RAB17: variants seen among roughly 807,000 people sequenced by gnomAD.
The protein encoded by RAB17 is RAB17, member RAS oncogene family, also known as ras-related protein Rab-17.
Under a neutral mutation model 19.3 loss-of-function variants are expected in RAB17, and 15 were observed. The observed-to-expected ratio is 0.78, with a 90% CI of 0.52 to 1.20. The LOEUF is 1.20. RAB17 is among the 50% of genes most tolerant of loss of function. The probability of loss-of-function intolerance (pLI) is 0.00; values close to 1 mark genes in which losing one functional copy is unlikely to be tolerated. For missense variants in RAB17, 262 were observed against 269.3 expected (o/e 0.97, Z 0.19); for synonymous variants, 110 against 112.8 (o/e 0.97, Z 0.16).
chr2:237,588,272 C>T (rs1276347262), intron 1 of RAB17, among the ~76,000 whole-genome samples: 1 of 152,178 alleles, frequency 6.6e-6, no homozygotes, highest in Non-Finnish European at 1.5e-5. Context: ...CTTGCCCTTT[C>T]ACCTTCCACT....
At chr2:237,590,281 G>A (rs1357067280) in intron 1 of RAB17, among the ~76,000 whole-genome samples, 186 bp downstream of exon 1, 2 of 151,860 alleles carry the variant, frequency 1.3e-5, no homozygotes, top group Admixed American at 6.6e-5. Flanking sequence ...GGAAGTCTCC[G>A]CCCCAGCTTT....
chr2:237,583,326 C>CA (rs201023884), intron 2 of RAB17, among the ~76,000 whole-genome samples: 3,360 of 152,042 alleles, frequency 0.022, 122 homozygotes, highest in African/African-American at 0.077. Flanking sequence ...GACTCTGTCT[C>CA]AAAAAAATTA....
chr2:237,589,518 TTTAC>T (rs1208865210), intron 1 of RAB17, among the ~76,000 whole-genome samples: 1 of 152,242 alleles, frequency 6.6e-6, no homozygotes. Flanking sequence ...ATACTGGATT[TTTAC>T]TTAGTTTTAA....
chr2:237,576,492 C>A, intron 4 of RAB17: 1 of 445,726 alleles, frequency 2.2e-6, no homozygotes, highest in Admixed American at 2.4e-5. Context: ...GCTCCCCTTG[C>A]TCTCCCCCGA....
At chr2:237,582,174 C>T (rs1210219479) in intron 2 of RAB17, among the ~76,000 whole-genome samples, 2 of 152,268 alleles carry the variant, frequency 1.3e-5, no homozygotes, top group African/African-American at 4.8e-5. Context: ...AGCTTCAGGG[C>T]TCGAGTCCAT....
intron 1 of RAB17, among the ~76,000 whole-genome samples, chr2:237,586,478 A>G (rs1211928483): frequency 6.6e-6 from 1 of 150,436 alleles, no homozygotes; most frequent in Non-Finnish European, 1.5e-5. Context: ...TCCTCCTTCC[A>G]TTACTTTCAG....
intron 4 of RAB17, chr2:237,576,581 C>G (rs1489801713): frequency 1.5e-5 from 7 of 471,118 alleles, no homozygotes; most frequent in African/African-American, 1.4e-4. Context: ...CTTTGGGAGG[C>G]GCGCCCGTCG....
chr2:237,574,651 G>A lies in RAB17; in HGVS notation c.*368C>T. 3 of 1,480,958 alleles carry A rather than the reference G, an allele frequency of 2.0e-6. No homozygotes were observed. In the East Asian group the frequency reaches 7.6e-5, roughly 38 times the overall value. The allele number at this position is 1,480,958 out of a possible 1,614,324, so 91.7% of individuals were successfully genotyped here. A position where few individuals can be genotyped will look rare whatever the true frequency, so the allele number is the denominator to read the frequency against. On this transcript the variant is annotated 3_prime_UTR_variant, in exon 6 of 6. Transcript: ENST00000264601. ...GGCTCCAGGCCAGTGCCCCCATCAA[G>A]ATCAGACGTAAGGCATCTTCCCACC...
intron 2 of RAB17, chr2:237,578,933 ACACAC>A (rs2081287828): frequency 6.7e-6 from 1 of 148,886 alleles, no homozygotes; most frequent in African/African-American, 2.5e-5. Context: ...ACACACACAC[ACACAC>A]ACAACTACTC....
chr2:237,577,660 G>A, intron 3 of RAB17: 1 of 478,712 alleles, frequency 2.1e-6, no homozygotes, highest in Non-Finnish European at 3.7e-6. Flanking sequence ...TTTCAGGTCA[G>A]GCCTCGAGCT....
chr2:237,586,963 T>A (rs1420910359), intron 1 of RAB17, among the ~76,000 whole-genome samples: 1 of 152,196 alleles, frequency 6.6e-6, no homozygotes, highest in Non-Finnish European at 1.5e-5. Flanking sequence ...TTCTTTGCAG[T>A]TCATGTGTTG....
chr2:237,589,410 C>T (rs1247092951), intron 1 of RAB17, among the ~76,000 whole-genome samples: 1 of 152,128 alleles, frequency 6.6e-6, no homozygotes, highest in Non-Finnish European at 1.5e-5. Flanking sequence ...GTAAGAAATA[C>T]TTAATACCAA....
At chr2:237,575,521 G>A in intron 4 of RAB17, 41 bp from the exon 5 acceptor site, 1 of 1,487,320 alleles carries the variant, frequency 6.7e-7, no homozygotes, top group Non-Finnish European at 9.3e-7. Flanking sequence ...GTTTATAAGA[G>A]AGTTTCCTAA....
At chr2:237,584,730 G>A (rs2081335139) in intron 2 of RAB17, among the ~76,000 whole-genome samples, 1 of 152,158 alleles carries the variant, frequency 6.6e-6, no homozygotes, top group South Asian at 2.1e-4. Flanking sequence ...TCCAGGCCTG[G>A]TGAGGCCCCC....
chr2:237,588,255 G>C (rs139245941), intron 1 of RAB17, among the ~76,000 whole-genome samples: 1 of 152,114 alleles, frequency 6.6e-6, no homozygotes, highest in African/African-American at 2.4e-5. Flanking sequence ...ACAAGCCTGC[G>C]TGTTCTCTTG....
intron 4 of RAB17, among the ~76,000 whole-genome samples, chr2:237,576,062 C>T (rs1180683940): frequency 6.6e-6 from 1 of 152,200 alleles, no homozygotes; most frequent in Non-Finnish European, 1.5e-5. Context: ...AGGCCCCTCC[C>T]CTGGCCTCCG....
rs374905720 is a variant in RAB17 at position 237,575,105 on chromosome 2, C to T, written c.553G>A (p.Asp185Asn). The T allele has an allele frequency of 3.0e-5, 49 of 1,613,424 alleles. No individual in the cohort carries two copies. Among genetic ancestry groups the T allele is most frequent in the Non-Finnish European group, 3.9e-5 (46 of 1,179,876 alleles). ...TVAQELLQRS[D>N]EEGQALRGDA... ...CCCCGTAGAGCCTGGCCCTCCTCGT[C>T]GCTTCTCTGCAGTAGCTCTTGGGCT... Residue 185 changes from aspartate to asparagine, a missense_variant, in exon 6 of 6, where the codon GAC becomes AAC. By Grantham distance (23) the Asp-to-Asn change is conservative. Transcript: ENST00000264601.
rs754099843 is a variant in RAB17 at position 237,589,206 on chromosome 2, C to T, written c.-4+1261G>A. On this transcript the variant is annotated intron_variant, in intron 1 of 5. Coordinates refer to ENST00000264601, the MANE Select transcript of RAB17 (RefSeq NM_022449.4). ...TTGCACTCCAGCCTGGGTGACAGAG[C>T]GAGAATCTGTCTCCAAAAAAAAAGG... 6.5e-5 allele frequency among the ~76,000 whole-genome samples: 9 copies of T among 138,680 alleles called. No individual in the cohort carries two copies. The South Asian group carries it at 6.8e-4, about 11-fold the overall frequency. The allele number at this position is 138,680 out of a possible 152,430, so 91.0% of individuals were successfully genotyped here.
In RAB17 at chr2:237,574,673, C is replaced by T; in HGVS notation, c.*346G>A. 4 of 1,455,026 alleles carry T rather than the reference C, an allele frequency of 2.7e-6. No individual in the cohort carries two copies. Among genetic ancestry groups the T allele is most frequent in the Non-Finnish European group, 3.6e-6 (4 of 1,101,748 alleles). The allele number at this position is 1,455,026 out of a possible 1,614,324, so 90.1% of individuals were successfully genotyped here. ...CAAGATCAGACGTAAGGCATCTTCC[C>T]ACCGTCGCTGTGCTGCGGGGACTTT... On this transcript the variant is annotated 3_prime_UTR_variant, in exon 6 of 6. Transcript: ENST00000264601.
Sources: gnomAD v4.1 joint callset for allele counts (sites outside exome capture counted in the v4.1 genomes callset) on GRCh38, gnomAD v4.1.1 for gene constraint, MANE v1.5 for transcripts, NCBI Gene and HGNC (gene_info 2026-07-23, HGNC 2026-07-21) for gene names.